The following EYA1 variants were observed in gnomAD, a reference collection of about 807,000 sequenced individuals.
The protein encoded by EYA1 is EYA transcriptional coactivator and phosphatase 1.
Under a neutral mutation model 82.0 loss-of-function variants are expected in EYA1, and 16 were observed. That is an observed-to-expected ratio of 0.20 (90% CI 0.13 to 0.30). The LOEUF is 0.30. Ranked by LOEUF, EYA1 falls within the 10% of genes least tolerant of loss-of-function variation. The pLI is 1.00. For synonymous variants in EYA1, 261 were observed against 264.4 expected (o/e 0.99, Z 0.12); for missense variants, 633 against 730.7 (o/e 0.87, Z 1.54).
intron 2 of EYA1, among the ~76,000 whole-genome samples, chr8:71,356,128 C>G (rs1037110883): frequency 5.3e-5 from 8 of 152,094 alleles, no homozygotes; most frequent in Admixed American, 1.3e-4. Flanking sequence ...TAACATGAAC[C>G]ATTTTACTTC....
At chr8:71,372,429 G>T (rs919953840) in intron 2 of EYA1, among the ~76,000 whole-genome samples, 1 of 152,008 alleles carries the variant, frequency 6.6e-6, no homozygotes, top group African/African-American at 2.4e-5. Context: ...TTCCCAATCA[G>T]GTTAATTTCC....
chr8:71,317,511 A>G (rs1822052035), intron 7 of EYA1, 41 bp downstream of exon 7: 1 of 1,606,890 alleles, frequency 6.2e-7, no homozygotes, highest in Non-Finnish European at 8.5e-7. Context: ...TTAACTATCA[A>G]CCTACAGGGT....
chr8:71,520,665 T>A (rs1056903025), intron 2 of EYA1, among the ~76,000 whole-genome samples: 13 of 152,202 alleles, frequency 8.5e-5, no homozygotes, highest in Admixed American at 3.9e-4. Context: ...TCTCCCCACC[T>A]TCACACCCCC....
intron 17 of EYA1, among the ~76,000 whole-genome samples, chr8:71,202,986 A>ACTGG (rs1187738925): frequency 6.6e-6 from 1 of 152,234 alleles, no homozygotes; most frequent in Non-Finnish European, 1.5e-5. Context: ...TCTCAGGACA[A>ACTGG]CTGGATACAA....
At chr8:71,309,850 C>A (rs941579468) in intron 7 of EYA1, among the ~76,000 whole-genome samples, 1 of 152,154 alleles carries the variant, frequency 6.6e-6, no homozygotes, top group Admixed American at 6.6e-5. Context: ...GATTTATTGT[C>A]TTTCCTTACT....
At chr8:71,494,022 C>CAAAAA (rs34340467) in intron 2 of EYA1, among the ~76,000 whole-genome samples, 858 of 41,714 alleles carry the variant, frequency 0.021, 75 homozygotes, top group African/African-American at 0.04. Flanking sequence ...GACTCCGTCT[C>CAAAAA]AAAAAAAAAA....
At chr8:71,433,487 T>C (rs1805778434) in intron 2 of EYA1, among the ~76,000 whole-genome samples, 1 of 152,178 alleles carries the variant, frequency 6.6e-6, no homozygotes, top group Non-Finnish European at 1.5e-5. Context: ...ATCAGCACAA[T>C]AGACCATAGT....
intron 2 of EYA1, among the ~76,000 whole-genome samples, chr8:71,442,189 TAGTATA>T (rs2129171316): frequency 6.6e-6 from 1 of 152,336 alleles, no homozygotes; most frequent in African/African-American, 2.4e-5. Context: ...ATTTAGTTCT[TAGTATA>T]AGTAAGGCAA....
intron 1 of EYA1, among the ~76,000 whole-genome samples, chr8:71,357,843 T>C (rs1827033479): frequency 6.6e-6 from 1 of 152,228 alleles, no homozygotes; most frequent in African/African-American, 2.4e-5. Context: ...TAAATTTCAA[T>C]GCCTACAGAT....
intron 9 of EYA1, 79 bp from the exon 10 acceptor site, chr8:71,271,976 G>T (rs1398728487): frequency 6.7e-7 from 1 of 1,500,780 alleles, no homozygotes; most frequent in Non-Finnish European, 9.3e-7. Context: ...TAATTCACAA[G>T]GGGAGTTTCA....
At chr8:71,247,488 G>T (rs576159650) in intron 11 of EYA1, among the ~76,000 whole-genome samples, 1 of 152,234 alleles carries the variant, frequency 6.6e-6, no homozygotes, top group South Asian at 2.1e-4. Context: ...TCTGCTGGGA[G>T]GGACAAAGGA....
At chr8:71,543,207 T>A (rs1326133820) in intron 1 of EYA1, among the ~76,000 whole-genome samples, 5 of 152,162 alleles carry the variant, frequency 3.3e-5, no homozygotes, top group African/African-American at 1.2e-4. Flanking sequence ...TCTAGAAAGA[T>A]CTACCACCAA....
intron 12 of EYA1, among the ~76,000 whole-genome samples, chr8:71,222,385 A>C (rs1387599043): frequency 6.6e-6 from 1 of 152,224 alleles, no homozygotes; most frequent in Non-Finnish European, 1.5e-5. Context: ...ACAATTAATT[A>C]CCAAACTTGG....
chr8:71,337,741 A>G (rs1824661781), intron 3 of EYA1, among the ~76,000 whole-genome samples: 1 of 152,254 alleles, frequency 6.6e-6, no homozygotes, highest in South Asian at 2.1e-4. Context: ...ATTCATCATC[A>G]TCATTAAAAG....
intron 2 of EYA1, among the ~76,000 whole-genome samples, chr8:71,430,824 C>G (rs1044154479): frequency 1.3e-5 from 2 of 150,992 alleles, no homozygotes; most frequent in African/African-American, 4.9e-5. Flanking sequence ...AAGACCAAAG[C>G]CAAAAGGTGA....
At chr8:71,492,144 T>C (rs1586823087) in intron 2 of EYA1, among the ~76,000 whole-genome samples, 1 of 152,198 alleles carries the variant, frequency 6.6e-6, no homozygotes, top group East Asian at 1.9e-4. Flanking sequence ...TACTCCAAGA[T>C]GGAGTCTTGG....
intron 3 of EYA1, among the ~76,000 whole-genome samples, chr8:71,351,110 T>C (rs1826263807): frequency 6.6e-6 from 1 of 152,080 alleles, no homozygotes; most frequent in Admixed American, 6.6e-5. Flanking sequence ...AACAATAAAA[T>C]ACGTGGAATA....
chr8:71,387,002 G>T (rs889055806), intron 2 of EYA1, among the ~76,000 whole-genome samples: 1 of 152,112 alleles, frequency 6.6e-6, no homozygotes, highest in Non-Finnish European at 1.5e-5. Flanking sequence ...ACATTTTCTG[G>T]TTCCTCATGT....
At chr8:71,512,176 G>A (rs1366044999) in intron 2 of EYA1, among the ~76,000 whole-genome samples, 2 of 152,156 alleles carry the variant, frequency 1.3e-5, no homozygotes, top group Non-Finnish European at 2.9e-5. Context: ...CAATTTATCA[G>A]AAGTAATCAC....
Sources: gnomAD v4.1 joint callset for allele counts (sites outside exome capture counted in the v4.1 genomes callset) on GRCh38, gnomAD v4.1.1 for gene constraint, MANE v1.5 for transcripts, NCBI Gene and HGNC (gene_info 2026-07-23, HGNC 2026-07-21) for gene names.